Variants in LMF1 observed in about 807,000 individuals in gnomAD.
The protein encoded by LMF1 is lipase maturation factor 1.
A neutral mutation model predicts 60.6 loss-of-function variants in LMF1; 68 were observed. That is an observed-to-expected ratio of 1.12 (90% confidence interval 0.92 to 1.37). The LOEUF is 1.37. LMF1 is among the 40% of genes most tolerant of loss of function. The pLI is 0.00. For synonymous variants in LMF1, 418 were observed against 324.7 expected (o/e 1.29, Z -3.09); for missense variants, 948 against 767.2 (o/e 1.24, Z -2.78).
intron 10 of LMF1, chr16:855,510 C>T (rs1393776205): frequency 2.0e-5 from 7 of 358,788 alleles, no homozygotes; most frequent in Admixed American, 3.8e-5. Flanking sequence ...GGGACGAAGC[C>T]CCCTCATGTC....
Position 854,212 on chromosome 16 carries a change from G to A in LMF1, c.*320C>T. On this transcript the variant is annotated 3_prime_UTR_variant, in exon 11 of 11. Transcript: ENST00000262301. The stretch of plus-strand genomic sequence containing the variant: ...CTGTAGTGGAGGAAGGTGTCAGGAT[G>A]GCCATTGTCTCAACTCCTGTGGGCG... The A allele has an allele frequency of 1.8e-6, 1 of 569,930 alleles. No homozygotes were observed. The highest frequency in any genetic ancestry group is 3.3e-6 in the Non-Finnish European group (1 of 301,736). The allele number at this position is 569,930 out of a possible 1,614,324, so 35.3% of individuals were successfully genotyped here.
In LMF1 at chr16:909,811, C is replaced by T. The variant is rs545006852; in HGVS notation, c.663+1120G>A. Among the ~76,000 whole-genome samples the T allele has an allele frequency of 7.9e-4, 120 of 152,316 alleles. 1 individual carries two copies. Among genetic ancestry groups the T allele is most frequent in the African/African-American group, 2.7e-3 (111 of 41,558 alleles). ...AAGCTGAACACAGGCACGGCAGCCACGCCTCGAGGCCAGGGAGAGAAGAGG... is the reference window on the plus strand; with the variant it reads ...AAGCTGAACACAGGCACGGCAGCCATGCCTCGAGGCCAGGGAGAGAAGAGG... On this transcript the variant is annotated intron_variant, in intron 4 of 10. Transcript: ENST00000262301.
chr16:897,009 T>A lies in LMF1; in HGVS notation c.664-3937A>T, dbSNP rs1423153560. Among the ~76,000 whole-genome samples, 1 of 149,256 alleles carries A rather than the reference T, an allele frequency of 6.7e-6. No individual in the cohort carries two copies. Among genetic ancestry groups the A allele is most frequent in the Non-Finnish European group, 1.5e-5 (1 of 67,458 alleles). On this transcript the variant is annotated intron_variant, in intron 4 of 10. Transcript: ENST00000262301. This position sits in a 1 kb window ranked among gnomAD's most constrained non-coding sequence, Gnocchi z 4.3. ...CCAAAATTAATTCTAAAAAAAAAAA[T>A]GGCACAGACAGGCCAATAAACGCAC...
chr16:893,151 A>G (rs1451134706), intron 4 of LMF1, 79 bp from the exon 5 acceptor site: 3 of 1,250,740 alleles, frequency 2.4e-6, no homozygotes, highest in African/African-American at 1.5e-5. Context: ...GCTTCCCAGG[A>G]AGACGAACCA....
intron 10 of LMF1, among the ~76,000 whole-genome samples, chr16:856,914 C>G (rs558876599): frequency 6.6e-6 from 1 of 152,394 alleles, no homozygotes; most frequent in African/African-American, 2.4e-5. Flanking sequence ...ACTGAGGCCA[C>G]AGACACGGGT....
chr16:886,395 C>G (rs1007938424), intron 5 of LMF1, among the ~76,000 whole-genome samples: 3 of 152,104 alleles, frequency 2.0e-5, no homozygotes, highest in African/African-American at 4.8e-5. Context: ...CACGGAAGGT[C>G]GGTGTCTCCT....
chr16:909,226 C>T (rs528240778), intron 4 of LMF1, among the ~76,000 whole-genome samples: 28 of 152,156 alleles, frequency 1.8e-4, no homozygotes, highest in South Asian at 4.1e-4. Context: ...CAAGGTGAGA[C>T]GCAGGGATGT....
At chr16:894,185 G>A in intron 4 of LMF1, among the ~76,000 whole-genome samples, 1 of 115,262 alleles carries the variant, frequency 8.7e-6, no homozygotes, top group Non-Finnish European at 1.7e-5. Context: ...CTGTCCACTG[G>A]ACTGTCCGCC....
chr16:877,089 T>C (rs752991038), intron 6 of LMF1, among the ~76,000 whole-genome samples: 5 of 151,324 alleles, frequency 3.3e-5, no homozygotes, highest in African/African-American at 4.9e-5. Flanking sequence ...CACGGCACTT[T>C]AGGAGGTCAG....
intron 10 of LMF1, among the ~76,000 whole-genome samples, chr16:858,940 CAGTGGTGTCACGGGACGG>C (rs2069317108): frequency 2.2e-5 from 1 of 44,846 alleles, no homozygotes; most frequent in Non-Finnish European, 3.8e-5. Flanking sequence ...GACGGGTGTG[CAGTGGTGTCACGGGACGG>C]GTGTGCAGTG....
At chr16:871,052 T>C in intron 7 of LMF1, 109 bp downstream of exon 7, 3 of 1,406,426 alleles carry the variant, frequency 2.1e-6, no homozygotes, top group Non-Finnish European at 2.8e-6. Flanking sequence ...CGGACGGCGC[T>C]GACTCTCCTC....
chr16:867,758 C>A (rs1195623348), intron 10 of LMF1, among the ~76,000 whole-genome samples: 1 of 150,402 alleles, frequency 6.6e-6, no homozygotes, highest in African/African-American at 2.5e-5. Flanking sequence ...TGAGGAGGGA[C>A]CCCATAGCCC....
Position 879,749 on chromosome 16 carries a change from G to A in LMF1, c.730-12C>T, listed in dbSNP as rs1214452970. 1.3e-6 allele frequency: 2 copies of A among 1,570,712 alleles called. No homozygotes were observed. Among genetic ancestry groups the A allele is most frequent in the African/African-American group, 2.7e-5 (2 of 74,072 alleles). On this transcript the variant is annotated splice_polypyrimidine_tract_variant and intron_variant, in intron 5 of 10. Coordinates refer to ENST00000262301, the MANE Select transcript of LMF1 (RefSeq NM_022773.4). ...GGCATCGGCTGGGTCTGCAGGGACA[G>A]GAGGGGCCGTGAGGTGCCTGGCCGA...
chr16:962,542 C>T lies in LMF1; in HGVS notation c.194-7876G>A, dbSNP rs1322961684. Among the ~76,000 whole-genome samples the T allele has an allele frequency of 2.0e-5, 3 of 152,168 alleles. No homozygotes were observed. Among genetic ancestry groups the T allele is most frequent in the African/African-American group, 7.2e-5 (3 of 41,444 alleles). On this transcript the variant is annotated intron_variant, in intron 1 of 10. Coordinates refer to ENST00000262301, the MANE Select transcript of LMF1 (RefSeq NM_022773.4). The surrounding 1 kb of genome is among the most constrained non-coding windows in gnomAD (Gnocchi z 4.5). ...ACGTCAGGACCCTGATACGGTGTGA[C>T]GGGAAGGGCCCCGCACCTCTGTGGG...
At chr16:911,766 T>C (rs1202314866) in intron 3 of LMF1, among the ~76,000 whole-genome samples, 1 of 151,696 alleles carries the variant, frequency 6.6e-6, no homozygotes, top group Non-Finnish European at 1.5e-5. Context: ...CCTCTGGCCC[T>C]GTCCTTCCCA....
chr16:953,163 G>A (rs191850546), intron 2 of LMF1, among the ~76,000 whole-genome samples: 162 of 78,932 alleles, frequency 2.1e-3, no homozygotes, highest in South Asian at 3.7e-3. Context: ...CCAGCCTCCT[G>A]CACGTCCACA....
chr16:895,318 C>T (rs1035097487), intron 4 of LMF1, among the ~76,000 whole-genome samples: 15 of 152,330 alleles, frequency 9.8e-5, no homozygotes, highest in Middle Eastern at 3.4e-3. Flanking sequence ...CCAGGTCAGC[C>T]CATCACGGGC....
At chr16:908,182 G>A (rs541054319) in intron 4 of LMF1, among the ~76,000 whole-genome samples, 1 of 152,346 alleles carries the variant, frequency 6.6e-6, no homozygotes, top group South Asian at 2.1e-4. Flanking sequence ...GAAAGATCAG[G>A]ACCCACAGCC....
chr16:877,716 C>T (rs1300043688), intron 6 of LMF1, among the ~76,000 whole-genome samples: 2 of 152,128 alleles, frequency 1.3e-5, no homozygotes, highest in Non-Finnish European at 2.9e-5. Flanking sequence ...GGACCCCAGA[C>T]CCAGGACAGC....
Sources: allele counts gnomAD v4.1 joint callset (sites outside exome capture counted in the v4.1 genomes callset), GRCh38; gene constraint gnomAD v4.1.1; non-coding constraint Gnocchi (gnomAD v3.1); transcripts MANE v1.5; gene names NCBI Gene and HGNC (gene_info 2026-07-23, HGNC 2026-07-21).